The following LMO7 variants were observed in gnomAD, a reference collection of about 807,000 sequenced individuals.
LMO7 encodes the protein LIM domain 7.
LMO7 carries 120 observed loss-of-function variants against 206.5 expected under a neutral mutation model. The observed-to-expected ratio is 0.58, with a 90% CI of 0.50 to 0.68. The LOEUF is 0.68. Among genes scored for constraint, LMO7 ranks in the 30% least tolerant of loss-of-function variants. LMO7 has a pLI of 0.00. For missense variants in LMO7, 1,959 were observed against 1,957.9 expected (o/e 1.00, Z -0.01); for synonymous variants, 706 against 681.5 (o/e 1.04, Z -0.56).
chr13:75,636,773 G>T, intron 1 of LMO7, 47 bp downstream of exon 1: 2 of 1,558,488 alleles, frequency 1.3e-6, no homozygotes, highest in East Asian at 2.3e-5. Flanking sequence ...TGACTGCCTC[G>T]GGGCGGTCGT....
chr13:75,808,624 C>T (rs1216009585), intron 10 of LMO7, among the ~76,000 whole-genome samples: 1 of 152,082 alleles, frequency 6.6e-6, no homozygotes. Context: ...TTGCAAATTT[C>T]ATTTAACTTA....
chr13:75,667,270 G>A lies in LMO7; in HGVS notation c.69+30544G>A, dbSNP rs892650637. Among the ~76,000 whole-genome samples the A allele has an allele frequency of 3.3e-5, 5 of 151,920 alleles. No homozygotes were observed. In the East Asian group the frequency reaches 9.6e-4, roughly 29 times the overall value. ...ATTTTCTTTGCATTTATTCTGCTTG[G>A]TATTTGCTGGTCTTCTTGAATCTCT... On this transcript the variant is annotated intron_variant, in intron 1 of 30. Coordinates refer to ENST00000377534, the MANE Select transcript of LMO7 (RefSeq NM_001306080.2).
intron 3 of LMO7, among the ~76,000 whole-genome samples, chr13:75,737,789 A>C (rs867975462): frequency 7.7e-6 from 1 of 129,852 alleles, no homozygotes; most frequent in Non-Finnish European, 1.6e-5. Flanking sequence ...AAATAAAAAA[A>C]AAAAAAAAAA....
intron 3 of LMO7, among the ~76,000 whole-genome samples, chr13:75,746,943 G>A (rs1398846086): frequency 1.3e-5 from 2 of 151,862 alleles, no homozygotes; most frequent in Non-Finnish European, 2.9e-5. Flanking sequence ...CTGGTAGTTG[G>A]CCTTAGGACT....
chr13:75,734,742 T>C (rs1255851211), intron 3 of LMO7, among the ~76,000 whole-genome samples: 2 of 152,240 alleles, frequency 1.3e-5, no homozygotes, highest in East Asian at 3.8e-4. Flanking sequence ...CCTTCCTTCC[T>C]ACCAAGTTGC....
At position 75,858,174 on chromosome 13, in the gene LMO7, T is replaced by C; in HGVS notation, c.*231T>C. On this transcript the variant is annotated 3_prime_UTR_variant, in exon 31 of 31. Transcript: ENST00000377534. ...GGGGAAAAGTGCAGTATTTACCTGT[T>C]GAATTCAGCATCTTGAGAGCACAAG... The C allele has an allele frequency of 2.5e-6, 1 of 403,322 alleles. No homozygotes were observed. The highest frequency in any genetic ancestry group is 4.4e-6 in the Non-Finnish European group (1 of 227,738). 25.0% of individuals were successfully genotyped at this position (403,322 alleles called of 1,614,324 possible). A position where few individuals can be genotyped will look rare whatever the true frequency, so the allele number is the denominator to read the frequency against.
At chr13:75,740,326 C>A (rs529967468) in intron 3 of LMO7, among the ~76,000 whole-genome samples, 9 of 152,206 alleles carry the variant, frequency 5.9e-5, no homozygotes, top group Non-Finnish European at 1.2e-4. Context: ...TGGTCACTCA[C>A]GCCTGTAATC....
chr13:75,672,803 T>TGA (rs139482239), intron 1 of LMO7, among the ~76,000 whole-genome samples: 62,217 of 151,964 alleles, frequency 0.41, 13,923 homozygotes, highest in Middle Eastern at 0.53. Context: ...ATCTGATAAG[T>TGA]GGTTAATATG....
At chr13:75,623,380 T>C (rs1029159851) in intron 2 of LMO7, 3 of 934,570 alleles carry the variant, frequency 3.2e-6, no homozygotes, top group Non-Finnish European at 5.2e-6. Context: ...TTTTTTCTTT[T>C]TGATACGGAG....
Position 75,713,170 on chromosome 13 carries a change from C to T in LMO7, c.70-12C>T. 6.2e-7 allele frequency: 1 copy of T among 1,607,372 alleles called. No homozygotes were observed. Among genetic ancestry groups the T allele is most frequent in the Non-Finnish European group, 8.5e-7 (1 of 1,176,074 alleles). ...GCTTAAGAGAAAATTAACAACCAAA[C>T]CTATCTTTCAGGCAGTAACAGAGAA... On this transcript the variant is annotated splice_polypyrimidine_tract_variant and intron_variant, in intron 1 of 30. Transcript: ENST00000377534.
At chr13:75,769,957 G>C (rs958266293) in intron 4 of LMO7, among the ~76,000 whole-genome samples, 8 of 152,192 alleles carry the variant, frequency 5.3e-5, no homozygotes, top group Middle Eastern at 3.4e-3. Flanking sequence ...CCAATCACTA[G>C]ACTTCTTTTG....
intron 26 of LMO7, among the ~76,000 whole-genome samples, chr13:75,846,949 T>G (rs1247522882): frequency 6.6e-6 from 1 of 150,912 alleles, no homozygotes; most frequent in East Asian, 1.9e-4. Context: ...GAGAATTGCT[T>G]GAACCCGGGA....
In LMO7 at chr13:75,805,761, G is replaced by T. The variant is rs1408802132; in HGVS notation, c.1196+1G>T. On this transcript the variant is annotated splice_donor_variant, in intron 9 of 30. Transcript: ENST00000377534. LOFTEE classifies it high-confidence loss of function. ...GGTATAAAGAATTTCAGGGATTCAGGTTTGTCGTTGTGCATGTTTCTGTCA... is the reference window on the plus strand; with the variant it reads ...GGTATAAAGAATTTCAGGGATTCAGTTTTGTCGTTGTGCATGTTTCTGTCA... The T allele has an allele frequency of 1.9e-6, 3 of 1,612,774 alleles. No individual in the cohort carries two copies. Among genetic ancestry groups the T allele is most frequent in the Non-Finnish European group, 2.5e-6 (3 of 1,179,194 alleles).
chr13:75,714,019 G>T (rs2043322450), intron 2 of LMO7, among the ~76,000 whole-genome samples: 1 of 152,162 alleles, frequency 6.6e-6, no homozygotes. Context: ...CCACATTTTT[G>T]AAAGCACTTA....
intron 1 of LMO7, among the ~76,000 whole-genome samples, chr13:75,696,679 A>G (rs1303372963): frequency 1.3e-5 from 2 of 152,114 alleles, no homozygotes; most frequent in Non-Finnish European, 2.9e-5. Context: ...TATTTGCCCC[A>G]AGCTTCCCAA....
At position 75,841,109 on chromosome 13, in the gene LMO7, G is replaced by C; in HGVS notation, c.3583G>C (p.Glu1195Gln). The C allele has an allele frequency of 6.3e-7, 1 of 1,597,738 alleles. No homozygotes were observed. The highest frequency in any genetic ancestry group is 8.6e-7 in the Non-Finnish European group (1 of 1,166,600). ...TAATATATGTCATATTTTCTTATAGGAAAAATATCAACGTGAGCAGGAGAA... is the reference window on the plus strand; with the variant it reads ...TAATATATGTCATATTTTCTTATAGCAAAAATATCAACGTGAGCAGGAGAA... ...WQKEQDRLLQ[E>Q]KYQREQEKLR... Residue 1195 changes from glutamate to glutamine, a missense_variant and splice_region_variant, in exon 23 of 31, where the codon GAA (glutamate) becomes CAA (glutamine). Glu to Gln is a conservative substitution (Grantham distance 29). Transcript: ENST00000377534.
chr13:75,843,515 G>T lies in LMO7; in HGVS notation c.4097+599G>T, dbSNP rs570904714. ...TCCAACATAATCTTCATTTTAAAAA[G>T]GTTATGAATAATGGCTTCACATTAC... On this transcript the variant is annotated intron_variant, in intron 25 of 30. Coordinates refer to ENST00000377534, the MANE Select transcript of LMO7 (RefSeq NM_001306080.2). Among the ~76,000 whole-genome samples, 6 of 152,150 alleles carry T rather than the reference G, an allele frequency of 3.9e-5. No individual in the cohort carries two copies. In the South Asian group the frequency reaches 1.2e-3, roughly 32 times the overall value.
At chr13:75,809,010 C>T in intron 10 of LMO7, 144 bp from the exon 11 acceptor site, 1 of 697,150 alleles carries the variant, frequency 1.4e-6, no homozygotes, top group Non-Finnish European at 2.6e-6. Context: ...GAACTTGAGA[C>T]ATGATCAAGA....
intron 2 of LMO7, among the ~76,000 whole-genome samples, chr13:75,719,127 G>A (rs527612226): frequency 6.9e-4 from 104 of 151,744 alleles, no homozygotes; most frequent in Non-Finnish European, 1.4e-3. Context: ...CTACAGGCAC[G>A]CACCACCACG....
Sources: gnomAD v4.1 joint callset for allele counts (sites outside exome capture counted in the v4.1 genomes callset) on GRCh38, gnomAD v4.1.1 for gene constraint, MANE v1.5 for transcripts, NCBI Gene and HGNC (gene_info 2026-07-23, HGNC 2026-07-21) for gene names.